Variants in ANXA3 observed in about 807,000 individuals in gnomAD.
The protein encoded by ANXA3 is 35-alpha calcimedin.
ANXA3 carries 46 observed loss-of-function variants against 48.8 expected under a neutral mutation model. That is an observed-to-expected ratio of 0.94 (90% CI 0.74 to 1.21). The LOEUF is 1.21. ANXA3 is among the 50% of genes most tolerant of loss of function. ANXA3 has a pLI of 0.00. For synonymous variants in ANXA3, 128 were observed against 134.7 expected (o/e 0.95, Z 0.35); for missense variants, 383 against 378.6 (o/e 1.01, Z -0.10).
chr4:78,580,665 C>CT (rs1723053131), intron 4 of ANXA3, among the ~76,000 whole-genome samples: 1 of 152,144 alleles, frequency 6.6e-6, no homozygotes, highest in South Asian at 2.1e-4. Context: ...GAATTACCTC[C>CT]TGGGAGTGTT....
chr4:78,584,504 T>G (rs1723132970), intron 5 of ANXA3, among the ~76,000 whole-genome samples: 1 of 152,152 alleles, frequency 6.6e-6, no homozygotes, highest in African/African-American at 2.4e-5. Flanking sequence ...CATTTGTTTA[T>G]TATCTTTTTT....
At position 78,601,411 on chromosome 4, in the gene ANXA3, A is replaced by C. The variant is rs1041953371; in HGVS notation, c.731-99A>C. 3.9e-5 allele frequency: 42 copies of C among 1,088,376 alleles called. No individual in the cohort carries two copies. In the African/African-American group the frequency reaches 5.8e-4, roughly 15 times the overall value. The allele number at this position is 1,088,376 out of a possible 1,614,324, so 67.4% of individuals were successfully genotyped here. ...AGTTGTGGGGAGGGGATAGAGTGGT[A>C]TGACAGTCCAAAGAATCTTTTTAAA... On this transcript the variant is annotated intron_variant, in intron 10 of 12. Coordinates refer to ENST00000264908, the MANE Select transcript of ANXA3 (RefSeq NM_005139.3).
At chr4:78,606,567 G>A (rs540691738) in intron 12 of ANXA3, among the ~76,000 whole-genome samples, 5 of 152,052 alleles carry the variant, frequency 3.3e-5, no homozygotes, top group African/African-American at 1.2e-4. Context: ...TCCAACCTTC[G>A]CTATGGCCCT....
chr4:78,579,653 A>G (rs1314013735), intron 4 of ANXA3, among the ~76,000 whole-genome samples: 2 of 152,236 alleles, frequency 1.3e-5, no homozygotes, highest in Non-Finnish European at 2.9e-5. Context: ...AAAATTTAGT[A>G]ATTACCAGAA....
chr4:78,587,113 T>A (rs1320379201), intron 6 of ANXA3, among the ~76,000 whole-genome samples: 1 of 152,198 alleles, frequency 6.6e-6, no homozygotes, highest in African/African-American at 2.4e-5. Flanking sequence ...TATGGAGATA[T>A]TTGGAAGGGT....
chr4:78,552,006 G>C (rs1722397367), intron 1 of ANXA3, 147 bp downstream of exon 1: 1 of 152,364 alleles, frequency 6.6e-6, no homozygotes. Flanking sequence ...GCCCGCGCCC[G>C]GCCCCAACCC....
At chr4:78,562,011 G>A (rs2109926228) in intron 2 of ANXA3, among the ~76,000 whole-genome samples, 2 of 152,298 alleles carry the variant, frequency 1.3e-5, no homozygotes, top group South Asian at 4.1e-4. Flanking sequence ...ATTCTCTGAT[G>A]TTAGCCCAAC....
At position 78,604,000 on chromosome 4, in the gene ANXA3, T is replaced by C. The variant is rs188751026; in HGVS notation, c.790-277T>C. The C allele has an allele frequency of 6.0e-5, 15 of 249,940 alleles. No individual in the cohort carries two copies. In the East Asian group the frequency reaches 1.2e-3, roughly 19 times the overall value. The allele number at this position is 249,940 out of a possible 1,614,324, so 15.5% of individuals were successfully genotyped here. A position where few individuals can be genotyped will look rare whatever the true frequency, so the allele number is the denominator to read the frequency against. ...AATATTTTCAACATGTCAGACTGTTTTGCAATGGCTTACTTTCTTGCCTGT... is the reference window on the plus strand; with the variant it reads ...AATATTTTCAACATGTCAGACTGTTCTGCAATGGCTTACTTTCTTGCCTGT... On this transcript the variant is annotated intron_variant, in intron 11 of 12. Coordinates refer to ENST00000264908, the MANE Select transcript of ANXA3 (RefSeq NM_005139.3).
At chr4:78,586,174 T>C in intron 5 of ANXA3, 86 bp from the exon 6 acceptor site, 1 of 935,474 alleles carries the variant, frequency 1.1e-6, no homozygotes, top group South Asian at 1.6e-5. Flanking sequence ...TGTCCTTTCA[T>C]CTATATAAAC....
At chr4:78,580,277 T>C (rs1414881558) in intron 4 of ANXA3, among the ~76,000 whole-genome samples, 2 of 152,200 alleles carry the variant, frequency 1.3e-5, no homozygotes, top group African/African-American at 4.8e-5. Context: ...TACTAGGGGT[T>C]CTGCCCTGCT....
intron 2 of ANXA3, among the ~76,000 whole-genome samples, chr4:78,560,166 C>G (rs963137051): frequency 2.0e-5 from 3 of 152,108 alleles, no homozygotes; most frequent in African/African-American, 7.2e-5. Context: ...AAAATACTCC[C>G]TTTCCACTCC....
intron 2 of ANXA3, among the ~76,000 whole-genome samples, chr4:78,557,677 C>T (rs1466113849): frequency 7.2e-6 from 1 of 139,142 alleles, no homozygotes; most frequent in Non-Finnish European, 1.5e-5. Flanking sequence ...CTCCTACTGT[C>T]TCTGGGTTTT....
At chr4:78,559,082 T>C (rs541398816) in intron 2 of ANXA3, among the ~76,000 whole-genome samples, 8 of 152,238 alleles carry the variant, frequency 5.3e-5, no homozygotes, top group Admixed American at 2.0e-4. Flanking sequence ...TTTTCTTTCT[T>C]TATTTCTTTA....
At chr4:78,557,127 T>G (rs754616409) in intron 2 of ANXA3, among the ~76,000 whole-genome samples, 2 of 152,184 alleles carry the variant, frequency 1.3e-5, no homozygotes, top group South Asian at 2.1e-4. Context: ...TCCTTGTAGT[T>G]GTCGAATTGA....
In ANXA3 at chr4:78,601,516, G is replaced by C. The variant is rs1185206314; in HGVS notation, c.737G>C (p.Cys246Ser). 1 of 1,613,762 alleles carries C rather than the reference G, an allele frequency of 6.2e-7. No homozygotes were observed. The highest frequency in any genetic ancestry group is 1.3e-5 in the African/African-American group (1 of 74,914). Reference protein sequence around the residue: ...FEDLLLAIVNCVRNTPAFLAE... With the variant: ...FEDLLLAIVNSVRNTPAFLAE... ...TATTTGCTTTTTGTTACAGTTAATT[G>C]TGTGAGGAACACGCCGGCCTTTTTA... Residue 246 changes from cysteine to serine, a missense_variant, in exon 11 of 13, where the codon TGT becomes TCT. Transcript: ENST00000264908.
intron 11 of ANXA3, chr4:78,603,946 C>G (rs147851337): frequency 1.3e-4 from 22 of 171,546 alleles, no homozygotes; most frequent in African/African-American, 4.0e-4. Flanking sequence ...CTTTCTTAGG[C>G]CCCCCTGAAG....
At chr4:78,583,756 T>G (rs76248410) in intron 5 of ANXA3, among the ~76,000 whole-genome samples, 1,726 of 152,326 alleles carry the variant, frequency 0.011, 36 homozygotes, top group African/African-American at 0.039. Context: ...GAAGCTGCTG[T>G]CCACAGAAAG....
rs1052220779 is a variant in ANXA3, at chr4:78,610,228, A to G, written c.*113A>G. 1 of 600,640 alleles carries G rather than the reference A, an allele frequency of 1.7e-6. No homozygotes were observed. The highest frequency in any genetic ancestry group is 2.8e-6 in the Non-Finnish European group (1 of 355,228). 37.2% of individuals were successfully genotyped at this position (600,640 alleles called of 1,614,324 possible). ...AATATAAACAGCAACTTGTGTTCCT[A>G]ACAGGAATTTTCATTGTTCTATAAC... On this transcript the variant is annotated 3_prime_UTR_variant, in exon 13 of 13. Transcript: ENST00000264908.
intron 9 of ANXA3, 40 bp from the exon 10 acceptor site, chr4:78,597,279 A>G: frequency 7.6e-7 from 1 of 1,319,780 alleles, no homozygotes; most frequent in South Asian, 1.2e-5. Context: ...AATGTGCTCA[A>G]CTGCGTTGCT....
Sources: allele counts gnomAD v4.1 joint callset (sites outside exome capture counted in the v4.1 genomes callset), GRCh38; gene constraint gnomAD v4.1.1; transcripts MANE v1.5; gene names NCBI Gene and HGNC (gene_info 2026-07-23, HGNC 2026-07-21).